The following NPHP4 variants were observed in gnomAD, a reference collection of about 807,000 sequenced individuals.
The protein encoded by NPHP4 is nephrocystin-4.
NPHP4 carries 151 observed loss-of-function variants against 155.8 expected under a neutral mutation model. The observed-to-expected ratio is 0.97, with a 90% CI of 0.85 to 1.11. The LOEUF is 1.11. Among genes scored for constraint, NPHP4 ranks in the 50% least tolerant of loss-of-function variants. NPHP4 has a pLI of 0.00. For synonymous variants in NPHP4, 845 were observed against 816.8 expected (o/e 1.03, Z -0.59); for missense variants, 1,956 against 1,925.7 (o/e 1.02, Z -0.29).
At chr1:5,912,663 A>G (rs1645250647) in intron 11 of NPHP4, among the ~76,000 whole-genome samples, 1 of 152,234 alleles carries the variant, frequency 6.6e-6, no homozygotes, top group Non-Finnish European at 1.5e-5. Context: ...GTATTCCTAC[A>G]TTGCCCATAA....
intron 19 of NPHP4, among the ~76,000 whole-genome samples, chr1:5,878,710 T>C (rs1007580695): frequency 1.3e-5 from 2 of 152,188 alleles, no homozygotes; most frequent in Non-Finnish European, 2.9e-5. Context: ...CCTCTGATTG[T>C]CTCAGCAAGG....
Position 5,964,939 on chromosome 1 carries a change from A to ATT in NPHP4, c.517+2359_517+2360insAA, listed in dbSNP as rs1232148646. On this transcript the variant is annotated intron_variant, in intron 5 of 29. Transcript: ENST00000378156. ...ATATTATATATATATATATATATAT[A>ATT]TATTTTTTTTTTTTGAGGCAGGGTC... Among the ~76,000 whole-genome samples, 515 of 62,656 alleles carry ATT rather than the reference A, an allele frequency of 8.2e-3. 18 individuals are homozygous for ATT. The highest frequency in any genetic ancestry group is 0.034 in the Middle Eastern group (3 of 88). The allele number at this position is 62,656 out of a possible 152,430, so 41.1% of individuals were successfully genotyped here. A position where few individuals can be genotyped will look rare whatever the true frequency, so the allele number is the denominator to read the frequency against.
At chr1:5,962,518 G>T (rs1650522223) in intron 5 of NPHP4, among the ~76,000 whole-genome samples, 1 of 152,192 alleles carries the variant, frequency 6.6e-6, no homozygotes, top group Non-Finnish European at 1.5e-5. Flanking sequence ...GCCTTTGTGT[G>T]TCAGCACTTG....
At chr1:5,950,800 C>G (rs1570598773) in intron 7 of NPHP4, among the ~76,000 whole-genome samples, 2 of 152,160 alleles carry the variant, frequency 1.3e-5, no homozygotes, top group East Asian at 3.9e-4. Context: ...ACTTCCTGCT[C>G]GAGATTCTAC....
chr1:5,914,257 C>CAAAAAAAAAAAAAAAAAAAAA (rs575438284), intron 11 of NPHP4, among the ~76,000 whole-genome samples: 4 of 47,398 alleles, frequency 8.4e-5, no homozygotes, highest in African/African-American at 1.9e-4. Context: ...CTTATCTATA[C>CAAAAAAAAAAAAAAAAAAAAA]AAAAAAAAAA....
chr1:5,876,751 G>C (rs898133010), intron 20 of NPHP4: 2 of 259,322 alleles, frequency 7.7e-6, no homozygotes, highest in African/African-American at 4.4e-5. Context: ...GACAACCCAG[G>C]ATATGTCAGT....
At chr1:5,891,164 C>A in intron 16 of NPHP4, 136 bp from the exon 17 acceptor site, 1 of 515,308 alleles carries the variant, frequency 1.9e-6, no homozygotes, top group Non-Finnish European at 3.3e-6. Context: ...ACACATTAAT[C>A]AAAAACATCA....
chr1:5,946,000 G>A (rs545641145), intron 9 of NPHP4, among the ~76,000 whole-genome samples: 7 of 152,216 alleles, frequency 4.6e-5, no homozygotes, highest in East Asian at 3.9e-4. Flanking sequence ...GAGAGACTAC[G>A]TTCACTTTTA....
chr1:5,930,906 C>T (rs1200061332), intron 10 of NPHP4, among the ~76,000 whole-genome samples: 1 of 152,138 alleles, frequency 6.6e-6, no homozygotes, highest in Non-Finnish European at 1.5e-5. Flanking sequence ...TCCATTTCTC[C>T]TTTCAGTTCA....
In NPHP4 at chr1:5,877,129, G is replaced by C; in HGVS notation, c.2781C>G (p.Ala927=). 4.4e-6 allele frequency: 7 copies of C among 1,587,962 alleles called. No homozygotes were observed. Among genetic ancestry groups the C allele is most frequent in the Non-Finnish European group, 5.2e-6 (6 of 1,160,204 alleles). ...TCCCGCGCCGGCCCAAGTCTCCCCC[G>C]GCCTCCTGCAGGCGCACAGACCTCA... The part of the protein sequence containing the change: ...ERMRSVRLQE[A]GGDLGRRGTS... The change falls in exon 20 of 30, where the codon GCC becomes GCG. Residue 927 remains alanine, a synonymous_variant. Transcript: ENST00000378156.
At chr1:5,964,941 A>ATATATATATATATATTTTTTTTTTTTT in intron 5 of NPHP4, among the ~76,000 whole-genome samples, 26 of 59,310 alleles carry the variant, frequency 4.4e-4, no homozygotes, top group African/African-American at 9.3e-4. Context: ...ATATATATAT[A>ATATATATATATATATTTTTTTTTTTTT]TTTTTTTTTT....
chr1:5,976,355 G>A (rs183623819), intron 3 of NPHP4, among the ~76,000 whole-genome samples: 19 of 152,262 alleles, frequency 1.2e-4, no homozygotes, highest in African/African-American at 3.9e-4. Context: ...AGCGCCTCCC[G>A]GTGAAGGATG....
intron 9 of NPHP4, among the ~76,000 whole-genome samples, chr1:5,938,567 T>C (rs1028554560): frequency 1.6e-4 from 24 of 152,326 alleles, no homozygotes; most frequent in African/African-American, 5.8e-4. Flanking sequence ...AAAGGAATCC[T>C]AACCACAGGC....
At chr1:5,865,538 G>A (rs1001066448) in intron 26 of NPHP4, 12 of 414,572 alleles carry the variant, frequency 2.9e-5, no homozygotes, top group African/African-American at 2.4e-4. Flanking sequence ...GCGCAGCAGG[G>A]CTGCTTAGGA....
At chr1:5,866,961 G>C in intron 25 of NPHP4, 69 bp downstream of exon 25, 1 of 1,195,488 alleles carries the variant, frequency 8.4e-7, no homozygotes, top group South Asian at 1.3e-5. Context: ...GGATACCCGT[G>C]GGGAAGCCGA....
chr1:5,936,714 G>T (rs910302467), intron 9 of NPHP4, among the ~76,000 whole-genome samples: 13 of 152,250 alleles, frequency 8.5e-5, no homozygotes, highest in Non-Finnish European at 1.8e-4. Context: ...ACCACGCAAA[G>T]CCGCTCACAG....
At chr1:5,896,004 C>T (rs568850517) in intron 16 of NPHP4, among the ~76,000 whole-genome samples, 128 of 152,254 alleles carry the variant, frequency 8.4e-4, no homozygotes, top group African/African-American at 3.0e-3. Context: ...CAAACTTGGG[C>T]TATGACATTA....
intron 18 of NPHP4, 190 bp downstream of exon 18, chr1:5,887,096 G>A: frequency 3.4e-6 from 2 of 589,794 alleles, no homozygotes; most frequent in South Asian, 4.7e-5. Flanking sequence ...AATTCAGAAT[G>A]CAAACAACTG....
chr1:5,901,075 C>T (rs1193995072), intron 16 of NPHP4, among the ~76,000 whole-genome samples: 1 of 152,000 alleles, frequency 6.6e-6, no homozygotes, highest in Non-Finnish European at 1.5e-5. Context: ...TATGTCACAC[C>T]AACGCAAAAT....
Sources: gnomAD v4.1 joint callset for allele counts (sites outside exome capture counted in the v4.1 genomes callset) on GRCh38, gnomAD v4.1.1 for gene constraint, MANE v1.5 for transcripts, NCBI Gene and HGNC (gene_info 2026-07-23, HGNC 2026-07-21) for gene names.